Variants in MACF1 observed in about 807,000 individuals in gnomAD.
The protein encoded by MACF1 is microtubule actin crosslinking factor 1, also known as microtubule-actin cross-linking factor 1.
In MACF1, 193 loss-of-function variants were observed where a neutral mutation model predicts 854.8. The ratio of observed to expected loss-of-function variants is 0.23; its 90% CI spans 0.20 to 0.25. MACF1 has a LOEUF of 0.25. Ranked by LOEUF, MACF1 falls within the 10% of genes least tolerant of loss-of-function variation. The pLI is 1.00. For missense variants in MACF1, 7,722 were observed against 8,929.1 expected, an observed-to-expected ratio of 0.86 and a Z score of 5.45; for synonymous variants, 3,185 against 3,226.7, an observed-to-expected ratio of 0.99 and a Z score of 0.44.
chr1:39,409,242 G>A lies in MACF1; in HGVS notation c.15817-13132G>A, dbSNP rs1477751846. 2.6e-5 allele frequency among the ~76,000 whole-genome samples: 4 copies of A among 152,074 alleles called. No homozygotes were observed. Among genetic ancestry groups the A allele is most frequent in the African/African-American group, 9.7e-5 (4 of 41,448 alleles). On this transcript the variant is annotated intron_variant, in intron 58 of 100. Coordinates refer to ENST00000564288, the MANE Select transcript of MACF1 (RefSeq NM_001394062.1). This position sits in a 1 kb window ranked among gnomAD's most constrained non-coding sequence, Gnocchi z 4.2. The stretch of plus-strand genomic sequence containing the variant: ...GCGGGGCCGCGGGGCCAGCGGCGTG[G>A]TGGAGAATAGAGGCGGCTGCTTGTC...
In MACF1 at chr1:39,283,662, G is replaced by T; in HGVS notation, c.915+147G>T. ...TTTATCATACATGGACATTATCCTT[G>T]GCCCTGGAAATGAGTCTAGATATTG... On this transcript the variant is annotated intron_variant, in intron 9 of 100. Coordinates refer to ENST00000564288, the MANE Select transcript of MACF1 (RefSeq NM_001394062.1). The surrounding 1 kb of genome is among the most constrained non-coding windows in gnomAD (Gnocchi z 4.5). 1 of 651,226 alleles carries T rather than the reference G, an allele frequency of 1.5e-6. No homozygotes were observed. 40.3% of individuals were successfully genotyped at this position (651,226 alleles called of 1,614,324 possible).
At chr1:39,247,804 G>A (rs1319594903) in intron 2 of MACF1, among the ~76,000 whole-genome samples, 4 of 152,094 alleles carry the variant, frequency 2.6e-5, no homozygotes, top group Non-Finnish European at 4.4e-5. Flanking sequence ...AGGCTGAGGC[G>A]GGTGGATCAC....
chr1:39,454,641 A>G (rs1644401236), intron 88 of MACF1, among the ~76,000 whole-genome samples: 3 of 152,076 alleles, frequency 2.0e-5, no homozygotes, highest in Admixed American at 2.0e-4. Flanking sequence ...CTCTACTAAA[A>G]TACAAAAAAT....
At chr1:39,443,297 G>A (rs1644156826) in intron 78 of MACF1, 149 bp from the exon 79 acceptor site, 1 of 696,124 alleles carries the variant, frequency 1.4e-6, no homozygotes, top group Non-Finnish European at 2.4e-6. Flanking sequence ...AATAATATTG[G>A]CCCCATGCTA....
At chr1:39,124,051 T>C (rs1642798917) in intron 2 of MACF1, among the ~76,000 whole-genome samples, 1 of 145,782 alleles carries the variant, frequency 6.9e-6, no homozygotes, top group African/African-American at 2.5e-5. Flanking sequence ...ATTCTTGTAT[T>C]TTTTTTTTTT....
At chr1:39,429,775 T>G (rs1643838939) in intron 64 of MACF1, 52 bp from the exon 65 acceptor site, 1 of 1,562,974 alleles carries the variant, frequency 6.4e-7, no homozygotes, top group Non-Finnish European at 8.8e-7. Flanking sequence ...GATCAGAGAC[T>G]CCTCATTCCT....
chr1:39,345,897 G>T (rs1261596526), intron 40 of MACF1, among the ~76,000 whole-genome samples: 2 of 151,822 alleles, frequency 1.3e-5, no homozygotes, highest in Non-Finnish European at 2.9e-5. Context: ...GCAAAACCCT[G>T]TCTCTACTAA....
Position 39,284,388 on chromosome 1 carries a change from G to A in MACF1, c.1091G>A (p.Arg364Lys). Residue 364 changes from arginine to lysine, a missense_variant, in exon 11 of 101, where the codon AGA (arginine) becomes AAA (lysine). Coordinates refer to ENST00000564288, the MANE Select transcript of MACF1 (RefSeq NM_001394062.1). ...FKETEILAKE[R>K]EKGRIEELYK... Reference sequence around the variant, plus strand: ...GAAACAGAAATTCTGGCCAAGGAGAGAGAAAAAGGAAGAATTGAGGAATTA... The same window carrying A: ...GAAACAGAAATTCTGGCCAAGGAGAAAGAAAAAGGAAGAATTGAGGAATTA... The A allele has an allele frequency of 6.2e-7, 1 of 1,601,580 alleles. No individual in the cohort carries two copies. The highest frequency in any genetic ancestry group is 8.5e-7 in the Non-Finnish European group (1 of 1,175,734).
chr1:39,181,444 T>G (rs1161889031), intron 2 of MACF1, among the ~76,000 whole-genome samples: 1 of 152,192 alleles, frequency 6.6e-6, no homozygotes, highest in Non-Finnish European at 1.5e-5. Flanking sequence ...GCAATCCCTG[T>G]CAGAATCCCA....
intron 47 of MACF1, among the ~76,000 whole-genome samples, chr1:39,359,564 T>A (rs1340758707): frequency 6.6e-6 from 1 of 152,188 alleles, no homozygotes; most frequent in African/African-American, 2.4e-5. Context: ...CTGAAGTTTT[T>A]CCTATTGCTT....
intron 6 of MACF1, among the ~76,000 whole-genome samples, chr1:39,271,575 TAAA>T (rs1037204337): frequency 2.6e-5 from 4 of 152,098 alleles, no homozygotes; most frequent in African/African-American, 9.7e-5. Flanking sequence ...TTTCATCAGA[TAAA>T]AAAGAATGTC....
chr1:39,275,535 AT>A (rs923734288), intron 6 of MACF1, among the ~76,000 whole-genome samples: 1 of 152,160 alleles, frequency 6.6e-6, no homozygotes, highest in African/African-American at 2.4e-5. Context: ...CTAAGATACC[AT>A]TTTATACCCA....
chr1:39,345,200 G>A (rs921071080), intron 40 of MACF1, among the ~76,000 whole-genome samples: 1 of 152,200 alleles, frequency 6.6e-6, no homozygotes, highest in African/African-American at 2.4e-5. Flanking sequence ...GAAAACAGAT[G>A]ATTTTAGTGT....
At chr1:39,160,064 C>G (rs1643766655) in intron 2 of MACF1, among the ~76,000 whole-genome samples, 1 of 152,052 alleles carries the variant, frequency 6.6e-6, no homozygotes, top group Admixed American at 6.6e-5. Flanking sequence ...CTCGTAATCC[C>G]AACACTTTGG....
intron 100 of MACF1, 75 bp from the exon 101 acceptor site, chr1:39,485,462 AC>A: frequency 1.4e-6 from 2 of 1,453,964 alleles, no homozygotes; most frequent in Non-Finnish European, 1.8e-6. Flanking sequence ...CAGGATCAGA[AC>A]CCTAGCTTCT....
intron 58 of MACF1, among the ~76,000 whole-genome samples, chr1:39,391,849 A>C (rs1181803135): frequency 6.6e-6 from 1 of 152,246 alleles, no homozygotes; most frequent in Non-Finnish European, 1.5e-5. Flanking sequence ...GATTTCTAAA[A>C]ATAAGCCTTC....
At chr1:39,376,727 C>T (rs1649755579) in intron 52 of MACF1, among the ~76,000 whole-genome samples, 1 of 151,914 alleles carries the variant, frequency 6.6e-6, no homozygotes, top group Non-Finnish European at 1.5e-5. Context: ...TTTTTTCCTT[C>T]CTTTTAGAGA....
At chr1:39,340,752 A>T in intron 39 of MACF1, 35 bp downstream of exon 39, 1 of 1,612,470 alleles carries the variant, frequency 6.2e-7, no homozygotes, top group Non-Finnish European at 8.5e-7. Flanking sequence ...AGGCTCACAA[A>T]GTCTGGGTGG....
chr1:39,436,254 A>G (rs1042611875), intron 70 of MACF1, among the ~76,000 whole-genome samples: 1 of 152,214 alleles, frequency 6.6e-6, no homozygotes, highest in African/African-American at 2.4e-5. Context: ...CATACTTTCA[A>G]CTAATATATT....
Sources: allele counts gnomAD v4.1 joint callset (sites outside exome capture counted in the v4.1 genomes callset), GRCh38; gene constraint gnomAD v4.1.1; non-coding constraint Gnocchi (gnomAD v3.1); transcripts MANE v1.5; gene names NCBI Gene and HGNC (gene_info 2026-07-23, HGNC 2026-07-21).